CTNNA3: variants seen among roughly 807,000 people sequenced by gnomAD.
CTNNA3 encodes catenin alpha 3, also known as catenin alpha-3.
CTNNA3 carries 76 observed loss-of-function variants against 95.7 expected under a neutral mutation model. The ratio of observed to expected loss-of-function variants is 0.79; its 90% CI spans 0.66 to 0.96. The LOEUF (loss-of-function observed/expected upper bound fraction) is 0.96, where lower values mean the gene tolerates loss of function less well. CTNNA3 is among the 40% of genes least tolerant of loss of function. The pLI is 0.00. For synonymous variants in CTNNA3, 431 were observed against 374.4 expected, an observed-to-expected ratio of 1.15 and a Z score of -1.74; for missense variants, 1,191 against 1,089.8, an observed-to-expected ratio of 1.09 and a Z score of -1.31.
intron 10 of CTNNA3, among the ~76,000 whole-genome samples, chr10:66,551,456 T>G (rs1353883524): frequency 6.6e-6 from 1 of 152,142 alleles, no homozygotes; most frequent in Non-Finnish European, 1.5e-5. Flanking sequence ...TTGGTTATAC[T>G]GTTTGGGGTT....
intron 7 of CTNNA3, chr10:67,176,897 T>C (rs1442488042): frequency 2.0e-6 from 1 of 491,748 alleles, no homozygotes; most frequent in Non-Finnish European, 4.1e-6. Flanking sequence ...TAATGGACTC[T>C]TCCCTAGAGA....
At chr10:66,595,282 A>G (rs1179967090) in intron 10 of CTNNA3, among the ~76,000 whole-genome samples, 2 of 151,982 alleles carry the variant, frequency 1.3e-5, no homozygotes, top group Non-Finnish European at 2.9e-5. Context: ...TTGAATGTAG[A>G]CTTTATAGTT....
At chr10:66,050,544 G>A (rs1349131050) in intron 15 of CTNNA3, among the ~76,000 whole-genome samples, 1 of 151,932 alleles carries the variant, frequency 6.6e-6, no homozygotes, top group Non-Finnish European at 1.5e-5. Flanking sequence ...TGATCATCCT[G>A]CCTCAGCCTC....
At chr10:66,115,814 G>C (rs1006282491) in intron 13 of CTNNA3, among the ~76,000 whole-genome samples, 4 of 151,988 alleles carry the variant, frequency 2.6e-5, no homozygotes, top group African/African-American at 9.7e-5. Context: ...TAAGCAGGAC[G>C]GCCAAAACTG....
At position 67,284,107 on chromosome 10, in the gene CTNNA3, GA is replaced by G. The variant is rs570581532; in HGVS notation, c.580-64238del. 2.3e-3 allele frequency among the ~76,000 whole-genome samples: 354 copies of G among 152,348 alleles called. 2 individuals are homozygous for G. Among genetic ancestry groups the G allele is most frequent in the African/African-American group, 7.9e-3 (330 of 41,586 alleles). On this transcript the variant is annotated intron_variant, in intron 5 of 17. Transcript: ENST00000433211. ...CAAACAAGGCTACTGTGATCCTAGA[GA>G]GAGGGAGATGGAAATAGGGTAAATT... is the stretch of plus-strand genomic sequence containing the variant.
chr10:66,477,294 T>C (rs1839361395), intron 11 of CTNNA3, among the ~76,000 whole-genome samples: 1 of 152,116 alleles, frequency 6.6e-6, no homozygotes, highest in Non-Finnish European at 1.5e-5. Context: ...AAATCTTGTT[T>C]GTATTTGGGT....
intron 13 of CTNNA3, among the ~76,000 whole-genome samples, chr10:66,105,588 A>C (rs557111305): frequency 9.6e-4 from 147 of 152,340 alleles, no homozygotes; most frequent in Non-Finnish European, 1.9e-3. Context: ...AATTGCTGCT[A>C]TCAGAAGTCA....
At chr10:66,278,262 T>G (rs545326604) in intron 13 of CTNNA3, among the ~76,000 whole-genome samples, 1 of 150,882 alleles carries the variant, frequency 6.6e-6, no homozygotes, top group East Asian at 1.9e-4. Context: ...TATAGGCTAA[T>G]AGCAGTTGGC....
At chr10:65,969,929 G>C (rs2078059646) in intron 16 of CTNNA3, among the ~76,000 whole-genome samples, 1 of 151,978 alleles carries the variant, frequency 6.6e-6, no homozygotes, top group Non-Finnish European at 1.5e-5. Context: ...GAACACTTGA[G>C]AGATACTATA....
intron 9 of CTNNA3, among the ~76,000 whole-genome samples, chr10:66,644,512 C>A (rs1239654130): frequency 6.8e-6 from 1 of 147,728 alleles, no homozygotes; most frequent in African/African-American, 2.5e-5. Context: ...ATATATTAGA[C>A]ACTATGTAAA....
At chr10:66,625,755 C>A (rs923932620) in intron 9 of CTNNA3, among the ~76,000 whole-genome samples, 3 of 152,094 alleles carry the variant, frequency 2.0e-5, no homozygotes, top group Non-Finnish European at 4.4e-5. Flanking sequence ...GACTTTGAGT[C>A]TTTTCTTTCA....
At chr10:67,088,524 C>T (rs755960774) in intron 7 of CTNNA3, among the ~76,000 whole-genome samples, 1 of 151,854 alleles carries the variant, frequency 6.6e-6, no homozygotes, top group Non-Finnish European at 1.5e-5. Context: ...CTCCCTGTTA[C>T]TTAGATGGAC....
At chr10:66,337,353 C>A (rs987205164) in intron 12 of CTNNA3, among the ~76,000 whole-genome samples, 1 of 152,044 alleles carries the variant, frequency 6.6e-6, no homozygotes, top group Non-Finnish European at 1.5e-5. Flanking sequence ...AGTACAGATA[C>A]ACTTATTTGG....
At chr10:66,442,675 G>T (rs1011396391) in intron 11 of CTNNA3, among the ~76,000 whole-genome samples, 12 of 152,246 alleles carry the variant, frequency 7.9e-5, no homozygotes, top group Admixed American at 7.8e-4. Context: ...TAAACTTGTG[G>T]TGGAGCCAAG....
rs942002951 is a variant in CTNNA3, at chr10:66,000,919, G to C, written c.2160-12122C>G. Among the ~76,000 whole-genome samples the C allele has an allele frequency of 2.0e-5, 3 of 152,090 alleles. No individual in the cohort carries two copies. In the East Asian group the frequency reaches 5.8e-4, roughly 29 times the overall value. On this transcript the variant is annotated intron_variant, in intron 15 of 17. Coordinates refer to ENST00000433211, the MANE Select transcript of CTNNA3 (RefSeq NM_013266.4). ...TACAGAGTCCACTTTTAACAACTAT[G>C]CTATGTTGCCTCCCATAAAACATAT...
intron 7 of CTNNA3, among the ~76,000 whole-genome samples, chr10:66,785,622 G>A (rs1840710948): frequency 6.6e-6 from 1 of 152,052 alleles, no homozygotes; most frequent in African/African-American, 2.4e-5. Flanking sequence ...TTACACCATT[G>A]GCTCCCCTGG....
intron 9 of CTNNA3, among the ~76,000 whole-genome samples, chr10:66,682,252 C>T (rs999863077): frequency 4.6e-5 from 7 of 152,146 alleles, no homozygotes; most frequent in African/African-American, 9.7e-5. Flanking sequence ...GGAATGACCT[C>T]GGACTCTGTC....
intron 5 of CTNNA3, among the ~76,000 whole-genome samples, chr10:67,473,197 C>T (rs1195038080): frequency 6.6e-6 from 1 of 152,120 alleles, no homozygotes; most frequent in African/African-American, 2.4e-5. Context: ...CTAAGATCAT[C>T]CTTTTCTTTA....
chr10:66,418,995 T>G (rs2093169217), intron 11 of CTNNA3, among the ~76,000 whole-genome samples: 1 of 152,108 alleles, frequency 6.6e-6, no homozygotes, highest in Non-Finnish European at 1.5e-5. Context: ...CCACCATTCC[T>G]AATCAACAAA....
Sources: allele counts gnomAD v4.1 joint callset (sites outside exome capture counted in the v4.1 genomes callset), GRCh38; gene constraint gnomAD v4.1.1; transcripts MANE v1.5; gene names NCBI Gene and HGNC (gene_info 2026-07-23, HGNC 2026-07-21).